The following ACACA variants were observed in gnomAD, a reference collection of about 807,000 sequenced individuals.
ACACA encodes the protein acetyl-CoA carboxylase alpha, also known as acetyl-CoA carboxylase 1.
Under a neutral mutation model 296.1 loss-of-function variants are expected in ACACA, and 103 were observed. The ratio of observed to expected loss-of-function variants is 0.35; its 90% CI spans 0.30 to 0.41. The LOEUF (loss-of-function observed/expected upper bound fraction) is 0.41, where lower values mean the gene tolerates loss of function less well. Ranked by LOEUF, ACACA falls within the 10% of genes least tolerant of loss-of-function variation. The pLI is 1.00. For synonymous variants in ACACA, 953 were observed against 1,038.6 expected, an observed-to-expected ratio of 0.92 and a Z score of 1.58; for missense variants, 1,554 against 2,989.7, an observed-to-expected ratio of 0.52 and a Z score of 11.20.
Position 37,301,109 on chromosome 17 carries a change from A to G in ACACA, c.339-16139T>C, listed in dbSNP as rs187494085. 1.2e-3 allele frequency among the ~76,000 whole-genome samples: 184 copies of G among 152,314 alleles called. 1 individual carries two copies. Among genetic ancestry groups the G allele is most frequent in the Non-Finnish European group, 9.4e-4 (64 of 68,036 alleles). On this transcript the variant is annotated intron_variant, in intron 3 of 55. Coordinates refer to ENST00000616317, the MANE Select transcript of ACACA (RefSeq NM_198834.3). ...AAGGCAGACTATTTTGCACTCAACT[A>G]TATCAGAAAAATATACTAAAGAGGC...
In ACACA at chr17:37,178,811, A is replaced by C. The variant is rs9908693; in HGVS notation, c.5079+449T>G. Among the ~76,000 whole-genome samples the C allele has an allele frequency of 9.8e-3, 1,490 of 152,282 alleles. 22 individuals carry two copies. Among genetic ancestry groups the C allele is most frequent in the African/African-American group, 0.034 (1,418 of 41,554 alleles). ...GCGAGACACCATCTCAAAAAAAGAA[A>C]AAAGAAAAAAAGAAAATCCCCAAAT... On this transcript the variant is annotated intron_variant, in intron 41 of 55. Coordinates refer to ENST00000616317, the MANE Select transcript of ACACA (RefSeq NM_198834.3).
chr17:37,316,289 C>A (rs955041091), intron 3 of ACACA, among the ~76,000 whole-genome samples: 33 of 130,448 alleles, frequency 2.5e-4, no homozygotes, highest in Non-Finnish European at 4.7e-4. Context: ...ACCCTACCAG[C>A]TCTACCCTTA....
chr17:37,260,200 T>G (rs2081385107), intron 11 of ACACA, among the ~76,000 whole-genome samples: 1 of 131,238 alleles, frequency 7.6e-6, no homozygotes, highest in Non-Finnish European at 1.6e-5. Context: ...GGCTAAGTTT[T>G]GACAAACAGG....
intron 1 of ACACA, among the ~76,000 whole-genome samples, chr17:37,364,269 C>T (rs545303262): frequency 3.3e-5 from 5 of 152,142 alleles, no homozygotes; most frequent in South Asian, 4.2e-4. Context: ...TGTACTCCAG[C>T]CTGAGCAACA....
At chr17:37,273,543 T>A (rs186679539) in intron 9 of ACACA, among the ~76,000 whole-genome samples, 85 of 152,360 alleles carry the variant, frequency 5.6e-4, no homozygotes, top group African/African-American at 1.9e-3. Flanking sequence ...CTCAGCCTTT[T>A]CCCCTTTGGG....
At chr17:37,195,328 C>T (rs2077945316) in intron 35 of ACACA, among the ~76,000 whole-genome samples, 1 of 152,098 alleles carries the variant, frequency 6.6e-6, no homozygotes, top group Non-Finnish European at 1.5e-5. Flanking sequence ...AAAATGCTTT[C>T]TTTTCCACTA....
chr17:37,174,020 A>ATATATATATATT (rs552735515), intron 41 of ACACA, among the ~76,000 whole-genome samples: 1 of 16,788 alleles, frequency 6.0e-5, no homozygotes, highest in Non-Finnish European at 9.9e-5. Context: ...ATATATATAT[A>ATATATATATATT]TTTTTTTTTT....
At chr17:37,387,128 T>C (rs2050574138) in intron 1 of ACACA, 1 of 151,906 alleles carries the variant, frequency 6.6e-6, no homozygotes, top group Non-Finnish European at 1.5e-5. Context: ...CAAGAGCATA[T>C]ATTTGTTTTG....
chr17:37,173,329 G>A (rs1458208587), intron 41 of ACACA, among the ~76,000 whole-genome samples: 1 of 152,128 alleles, frequency 6.6e-6, no homozygotes, highest in Non-Finnish European at 1.5e-5. Flanking sequence ...AGAGGGTTAT[G>A]GTGGTTTTTC....
At position 37,153,681 on chromosome 17, in the gene ACACA, A is replaced by G. The variant is rs1212541569; in HGVS notation, c.5447+2002T>C. Among the ~76,000 whole-genome samples the G allele has an allele frequency of 2.0e-5, 3 of 152,316 alleles. No homozygotes were observed. In the East Asian group the frequency reaches 5.8e-4, roughly 29 times the overall value. The stretch of plus-strand genomic sequence containing the variant: ...ATATAATTTTTTCAAATGATTATTA[A>G]GTTCTTAGGACGCAAATACTTATTG... On this transcript the variant is annotated intron_variant, in intron 43 of 55. Transcript: ENST00000616317.
At chr17:37,170,806 C>G (rs1308034395) in intron 41 of ACACA, among the ~76,000 whole-genome samples, 1 of 152,210 alleles carries the variant, frequency 6.6e-6, no homozygotes, top group Non-Finnish European at 1.5e-5. Context: ...ATTGTACTAT[C>G]AATGTGAATA....
intron 39 of ACACA, among the ~76,000 whole-genome samples, chr17:37,182,308 A>G (rs2077355483): frequency 6.6e-6 from 1 of 151,968 alleles, no homozygotes; most frequent in Non-Finnish European, 1.5e-5. Context: ...TATTTTACAT[A>G]TAGTAAAATA....
Position 37,193,364 on chromosome 17 carries a change from C to A in ACACA, c.4200+10G>T. 1.9e-6 allele frequency: 3 copies of A among 1,583,678 alleles called. No homozygotes were observed. Among genetic ancestry groups the A allele is most frequent in the Middle Eastern group, 1.7e-4 (1 of 5,960 alleles). ...TTTTTTTTTTAAATAGGAAAGAAAT[C>A]AATCCTTACCTTATCCCTTGCTCGG... On this transcript the variant is annotated intron_variant, in intron 36 of 55. Coordinates refer to ENST00000616317, the MANE Select transcript of ACACA (RefSeq NM_198834.3).
chr17:37,257,588 G>T (rs2081280248), intron 14 of ACACA, 115 bp downstream of exon 14: 1 of 1,028,526 alleles, frequency 9.7e-7, no homozygotes, highest in South Asian at 1.4e-5. Context: ...TCTTCAAAAA[G>T]GTTGTTCATA....
intron 1 of ACACA, among the ~76,000 whole-genome samples, chr17:37,376,416 A>G (rs1163780056): frequency 1.3e-5 from 2 of 152,152 alleles, no homozygotes; most frequent in African/African-American, 4.8e-5. Context: ...AAGTCCTTTC[A>G]CTGTTGGATG....
At chr17:37,275,112 T>C (rs983617838) in intron 8 of ACACA, among the ~76,000 whole-genome samples, 1 of 152,224 alleles carries the variant, frequency 6.6e-6, no homozygotes, top group Non-Finnish European at 1.5e-5. Context: ...AAAGGTTAAT[T>C]ACTGACCTCA....
At chr17:37,297,475 G>T (rs890247669) in intron 3 of ACACA, among the ~76,000 whole-genome samples, 2 of 150,564 alleles carry the variant, frequency 1.3e-5, no homozygotes, top group African/African-American at 4.9e-5. Context: ...ACACACATGC[G>T]TGTGTGTACA....
At chr17:37,280,761 A>ACACCCC (rs768423798) in intron 5 of ACACA, among the ~76,000 whole-genome samples, 9 of 150,774 alleles carry the variant, frequency 6.0e-5, no homozygotes, top group African/African-American at 2.2e-4. Context: ...ACACACACAC[A>ACACCCC]CCCCAAAAAA....
intron 27 of ACACA, 63 bp from the exon 28 acceptor site, chr17:37,223,664 A>G: frequency 8.2e-7 from 1 of 1,225,214 alleles, no homozygotes; most frequent in South Asian, 1.2e-5. Flanking sequence ...AATGGACACT[A>G]TTTGGCATTT....
Sources: allele counts gnomAD v4.1 joint callset (sites outside exome capture counted in the v4.1 genomes callset), GRCh38; gene constraint gnomAD v4.1.1; transcripts MANE v1.5; gene names NCBI Gene and HGNC (gene_info 2026-07-23, HGNC 2026-07-21).